Variants in SNX29 observed in about 807,000 individuals in gnomAD.
The protein encoded by SNX29 is sorting nexin-29.
In SNX29, 78 loss-of-function variants were observed where a neutral mutation model predicts 102.1. The ratio of observed to expected loss-of-function variants is 0.76; its 90% CI spans 0.64 to 0.92. SNX29 has a LOEUF of 0.92. Ranked by LOEUF, SNX29 falls within the 40% of genes least tolerant of loss-of-function variation. SNX29 has a pLI of 0.00. For missense variants in SNX29, 1,280 were observed against 1,061.7 expected (o/e 1.21, Z -2.86); for synonymous variants, 580 against 414.5 (o/e 1.40, Z -4.85).
intron 11 of SNX29, among the ~76,000 whole-genome samples, chr16:12,106,265 T>C (rs1014937650): frequency 6.6e-6 from 1 of 152,090 alleles, no homozygotes; most frequent in Non-Finnish European, 1.5e-5. Flanking sequence ...AGGCGGGCTG[T>C]TGTCTGGTTT....
At chr16:12,072,188 A>G (rs919197788) in intron 10 of SNX29, among the ~76,000 whole-genome samples, 6 of 151,284 alleles carry the variant, frequency 4.0e-5, no homozygotes, top group Non-Finnish European at 7.4e-5. Context: ...GCCCTGGCCA[A>G]AACTTTCAAC....
intron 20 of SNX29, among the ~76,000 whole-genome samples, chr16:12,540,757 C>T (rs117059014): frequency 1.3e-5 from 2 of 152,298 alleles, no homozygotes; most frequent in East Asian, 1.9e-4. Context: ...ATTGATCTTA[C>T]CGCCACCTCC....
intron 13 of SNX29, among the ~76,000 whole-genome samples, chr16:12,196,364 A>G (rs2076773243): frequency 6.6e-6 from 1 of 151,282 alleles, no homozygotes; most frequent in Non-Finnish European, 1.5e-5. Context: ...CATGTCTGCC[A>G]CACCTCGAAT....
intron 18 of SNX29, among the ~76,000 whole-genome samples, chr16:12,447,165 CAAAAAAAAAAA>C (rs59942122): frequency 6.1e-4 from 27 of 43,912 alleles, no homozygotes; most frequent in African/African-American, 1.1e-3. Context: ...GACTCTGTCT[CAAAAAAAAAAA>C]AAAAAAAAAA....
intron 1 of SNX29, among the ~76,000 whole-genome samples, chr16:11,980,217 C>G (rs1370621297): frequency 6.6e-6 from 1 of 152,146 alleles, no homozygotes; most frequent in Admixed American, 6.5e-5. Flanking sequence ...CTTTCTGTCT[C>G]TGGATGTGCC....
chr16:12,380,686 A>G (rs1457764080), intron 16 of SNX29, among the ~76,000 whole-genome samples: 1 of 35,256 alleles, frequency 2.8e-5, no homozygotes, highest in African/African-American at 1.1e-4. Context: ...TCCATCCACC[A>G]TCCACCCATC....
chr16:12,538,256 C>T (rs1475872277), intron 20 of SNX29, among the ~76,000 whole-genome samples: 1 of 152,098 alleles, frequency 6.6e-6, no homozygotes, highest in Non-Finnish European at 1.5e-5. Flanking sequence ...GCTGGGATTA[C>T]AGGGATCTGC....
intron 18 of SNX29, among the ~76,000 whole-genome samples, chr16:12,440,595 A>AC (rs1303983936): frequency 6.6e-6 from 1 of 151,478 alleles, no homozygotes; most frequent in African/African-American, 2.4e-5. Context: ...CCCTCCTCCC[A>AC]CCCTCCACCC....
At chr16:12,463,732 G>C (rs1030030620) in intron 18 of SNX29, among the ~76,000 whole-genome samples, 2 of 151,712 alleles carry the variant, frequency 1.3e-5, no homozygotes, top group Admixed American at 6.6e-5. Context: ...TATATTCAAG[G>C]CATACAACAT....
intron 15 of SNX29, among the ~76,000 whole-genome samples, chr16:12,281,541 A>G (rs914761399): frequency 6.6e-6 from 1 of 152,234 alleles, no homozygotes; most frequent in Admixed American, 6.5e-5. Context: ...GAATTCTGGC[A>G]GGTATACATT....
intron 13 of SNX29, among the ~76,000 whole-genome samples, chr16:12,181,699 G>T (rs1015170951): frequency 2.0e-5 from 1 of 50,608 alleles, no homozygotes; most frequent in African/African-American, 3.7e-5. Context: ...TGGGAGGTCT[G>T]TTGGTGATTG....
At position 12,199,545 on chromosome 16, in the gene SNX29, G is replaced by A; in HGVS notation, c.1596-56G>A. The A allele has an allele frequency of 8.7e-6, 13 of 1,494,940 alleles. No individual in the cohort carries two copies. The South Asian group carries it at 1.6e-4, about 18-fold the overall frequency. The allele number at this position is 1,494,940 out of a possible 1,614,324, so 92.6% of individuals were successfully genotyped here. On this transcript the variant is annotated intron_variant, in intron 13 of 20. Transcript: ENST00000566228. ...ACCACCCACCCCTGCCCCCTCCTGT[G>A]GGTCCACATTGTCACTTTTTAAATA...
intron 4 of SNX29, among the ~76,000 whole-genome samples, chr16:12,041,903 A>G (rs572057419): frequency 6.6e-6 from 1 of 152,338 alleles, no homozygotes; most frequent in South Asian, 2.1e-4. Flanking sequence ...ATTTTTTTAT[A>G]AAAAAGAAAA....
chr16:12,259,155 T>G (rs1303934477), intron 14 of SNX29, among the ~76,000 whole-genome samples: 1 of 152,182 alleles, frequency 6.6e-6, no homozygotes, highest in Non-Finnish European at 1.5e-5. Context: ...CTGTACATCA[T>G]CTCCGTGGGC....
chr16:12,391,116 T>C (rs2083513861), intron 16 of SNX29, among the ~76,000 whole-genome samples: 1 of 152,064 alleles, frequency 6.6e-6, no homozygotes, highest in African/African-American at 2.4e-5. Flanking sequence ...CAGCTACTTT[T>C]TAAATATTCT....
At chr16:12,048,710 A>G (rs2050188319) in intron 7 of SNX29, 90 bp downstream of exon 7, 2 of 1,597,530 alleles carry the variant, frequency 1.3e-6, no homozygotes, top group Middle Eastern at 1.7e-4. Context: ...AAGTCATTCC[A>G]AGGGGAATGG....
rs897677048 is a variant in SNX29, at chr16:12,557,914, C to T, written c.2319-10592C>T. ...GGCAACTGGAGGATTCTCAAGTCGT[C>T]AGGGCAGGCAGGCTGCTATTTTCAT... On this transcript the variant is annotated intron_variant, in intron 20 of 20. Transcript: ENST00000566228. Among the ~76,000 whole-genome samples the T allele has an allele frequency of 4.6e-5, 7 of 152,174 alleles. No homozygotes were observed. The East Asian group carries it at 5.8e-4, about 13-fold the overall frequency.
intron 14 of SNX29, among the ~76,000 whole-genome samples, chr16:12,261,487 C>CAT (rs1596668514): frequency 7.0e-5 from 7 of 100,610 alleles, no homozygotes; most frequent in Middle Eastern, 8.5e-3. Flanking sequence ...TGTGTGCGCG[C>CAT]CCCCGGCTGG....
intron 4 of SNX29, among the ~76,000 whole-genome samples, chr16:12,038,294 C>T (rs1345318309): frequency 6.6e-6 from 1 of 152,180 alleles, no homozygotes; most frequent in Non-Finnish European, 1.5e-5. Flanking sequence ...AGGTTTTTGT[C>T]TTCCTTGTGG....
Sources: gnomAD v4.1 joint callset for allele counts (sites outside exome capture counted in the v4.1 genomes callset) on GRCh38, gnomAD v4.1.1 for gene constraint, MANE v1.5 for transcripts, NCBI Gene and HGNC (gene_info 2026-07-23, HGNC 2026-07-21) for gene names.